The following TMEM132D variants were observed in gnomAD, a reference collection of about 807,000 sequenced individuals.
The protein encoded by TMEM132D is mature OL transmembrane protein.
TMEM132D carries 21 observed loss-of-function variants against 62.3 expected under a neutral mutation model. The observed-to-expected ratio is 0.34, with a 90% confidence interval of 0.24 to 0.49. The LOEUF (loss-of-function observed/expected upper bound fraction) is 0.49, where lower values mean the gene tolerates loss of function less well. TMEM132D is among the 20% of genes least tolerant of loss of function. The pLI is 0.99. For missense variants in TMEM132D, 1,346 were observed against 1,402.8 expected (o/e 0.96, Z 0.65); for synonymous variants, 621 against 575.6 (o/e 1.08, Z -1.13).
chr12:129,262,312 C>T (rs1880570780), intron 4 of TMEM132D: 1 of 152,222 alleles, frequency 6.6e-6, no homozygotes, highest in African/African-American at 2.4e-5. Context: ...CTGCCAAAAA[C>T]ATCAGCTGAT....
Position 129,799,978 on chromosome 12 carries a change from C to A in TMEM132D, c.80-99280G>T, listed in dbSNP as rs1407634142. On this transcript the variant is annotated intron_variant, in intron 1 of 8. Coordinates refer to ENST00000422113, the MANE Select transcript of TMEM132D (RefSeq NM_133448.3). ...TGGTGGCACAGAAATACTTGGGTCA[C>A]AGGACATGCTGCCTCAGGCACGTGC... Among the ~76,000 whole-genome samples, 6 of 152,162 alleles carry A rather than the reference C, an allele frequency of 3.9e-5. No homozygotes were observed. In the East Asian group the frequency reaches 1.2e-3, roughly 29 times the overall value.
chr12:129,701,278 G>A (rs1881379654), intron 1 of TMEM132D, among the ~76,000 whole-genome samples: 1 of 152,206 alleles, frequency 6.6e-6, no homozygotes, highest in African/African-American at 2.4e-5. Flanking sequence ...AATAGACGCA[G>A]ATGCACAATC....
chr12:129,184,886 G>A (rs188889131), intron 5 of TMEM132D, among the ~76,000 whole-genome samples: 2 of 152,132 alleles, frequency 1.3e-5, no homozygotes, highest in East Asian at 3.9e-4. Flanking sequence ...GTGGGAGTGT[G>A]TGTTTCTGCT....
intron 4 of TMEM132D, chr12:129,210,069 G>T (rs11060204): frequency 0.055 from 9,179 of 166,736 alleles, 703 homozygotes; most frequent in East Asian, 0.27. Context: ...TTTGTCACTT[G>T]CCCAGGGTCA....
At chr12:129,663,451 T>G (rs1162614519) in intron 2 of TMEM132D, among the ~76,000 whole-genome samples, 1 of 152,204 alleles carries the variant, frequency 6.6e-6, no homozygotes, top group Non-Finnish European at 1.5e-5. Context: ...TCTGCCCATT[T>G]TTATCCTGGT....
At chr12:129,735,403 G>C (rs572489195) in intron 1 of TMEM132D, among the ~76,000 whole-genome samples, 1 of 152,168 alleles carries the variant, frequency 6.6e-6, no homozygotes, top group South Asian at 2.1e-4. Context: ...ATGTATATTA[G>C]GGAGCTGTTC....
intron 4 of TMEM132D, among the ~76,000 whole-genome samples, chr12:129,249,950 G>A (rs540848625): frequency 6.6e-6 from 1 of 152,256 alleles, no homozygotes; most frequent in Non-Finnish European, 1.5e-5. Flanking sequence ...AGGGCAAGGG[G>A]AGAATGTCAT....
intron 3 of TMEM132D, among the ~76,000 whole-genome samples, chr12:129,393,073 GA>G (rs1871333001): frequency 1.3e-5 from 2 of 152,170 alleles, no homozygotes; most frequent in African/African-American, 4.8e-5. Flanking sequence ...TATTTAGAGG[GA>G]AAGTTCCTGA....
At chr12:129,824,978 G>T (rs1013948646) in intron 1 of TMEM132D, among the ~76,000 whole-genome samples, 3 of 150,796 alleles carry the variant, frequency 2.0e-5, no homozygotes, top group African/African-American at 7.3e-5. Flanking sequence ...TTCCCTATTT[G>T]CTCACTTCGT....
intron 3 of TMEM132D, among the ~76,000 whole-genome samples, chr12:129,453,850 CTGTGTA>C (rs1205745883): frequency 6.6e-6 from 1 of 152,174 alleles, no homozygotes; most frequent in Non-Finnish European, 1.5e-5. Flanking sequence ...GTTCCTGTGT[CTGTGTA>C]TGAGTCTGTG....
chr12:129,513,358 G>GC (rs1875550434), intron 3 of TMEM132D, among the ~76,000 whole-genome samples: 1 of 152,076 alleles, frequency 6.6e-6, no homozygotes, highest in African/African-American at 2.4e-5. Flanking sequence ...TGAGGGATCT[G>GC]CCCCCATAAC....
chr12:129,553,636 G>A lies in TMEM132D; in HGVS notation c.969-22431C>T, dbSNP rs559872051. ...CTGTTTTCAAGCTCCCAACATGACAGCATTGAATGTGTCATTGGGAAGAGA... is the reference window on the plus strand; with the variant it reads ...CTGTTTTCAAGCTCCCAACATGACAACATTGAATGTGTCATTGGGAAGAGA... On this transcript the variant is annotated intron_variant, in intron 2 of 8. Transcript: ENST00000422113. Among the ~76,000 whole-genome samples the A allele has an allele frequency of 2.6e-5, 4 of 152,322 alleles. No homozygotes were observed. The East Asian group carries it at 5.8e-4, about 22-fold the overall frequency.
At chr12:129,309,380 G>A (rs890760487) in intron 4 of TMEM132D, among the ~76,000 whole-genome samples, 5 of 152,054 alleles carry the variant, frequency 3.3e-5, no homozygotes, top group Non-Finnish European at 5.9e-5. Flanking sequence ...CACTACTTAG[G>A]CACCAAATTA....
chr12:129,570,386 C>T (rs138839511), intron 2 of TMEM132D, among the ~76,000 whole-genome samples: 2 of 152,184 alleles, frequency 1.3e-5, no homozygotes, highest in South Asian at 2.1e-4. Context: ...AAATAGATAG[C>T]CTGAGACAAG....
chr12:129,412,525 A>T (rs1019224797), intron 3 of TMEM132D, among the ~76,000 whole-genome samples: 4 of 151,970 alleles, frequency 2.6e-5, no homozygotes, highest in African/African-American at 9.7e-5. Context: ...CCTCCTCCTC[A>T]TTCTTCCTAC....
At position 129,333,820 on chromosome 12, in the gene TMEM132D, T is replaced by C. The variant is rs547831313; in HGVS notation, c.1299+3814A>G. Among the ~76,000 whole-genome samples, 20 of 152,264 alleles carry C rather than the reference T, an allele frequency of 1.3e-4. No individual in the cohort carries two copies. In the South Asian group the frequency reaches 3.9e-3, roughly 30 times the overall value. Reference sequence around the variant, plus strand: ...AGCACACTCTCCCCTTTCCCACTTATAAAATATAAAAAATTATAGGCCAGG... The same window carrying C: ...AGCACACTCTCCCCTTTCCCACTTACAAAATATAAAAAATTATAGGCCAGG... On this transcript the variant is annotated intron_variant, in intron 4 of 8. Transcript: ENST00000422113.
intron 3 of TMEM132D, among the ~76,000 whole-genome samples, chr12:129,429,103 GTCCTTCAAGTTACTCACTGTAGTCCAAAA>G (rs138373811): frequency 0.26 from 34,364 of 129,730 alleles, 6,883 homozygotes; most frequent in East Asian, 0.42. Flanking sequence ...GTAGTCCAAA[GTCCTTCAAGTTACTCACTGTAGTCCAAAA>G]TCCTTCAAGT....
intron 3 of TMEM132D, among the ~76,000 whole-genome samples, chr12:129,402,267 G>C (rs1414677086): frequency 6.6e-6 from 1 of 152,174 alleles, no homozygotes. Flanking sequence ...CGTCCCTGAG[G>C]TCTGCACAAA....
intron 2 of TMEM132D, among the ~76,000 whole-genome samples, chr12:129,535,770 TTGTGTGCG>T (rs1216174623): frequency 4.1e-5 from 5 of 122,882 alleles, no homozygotes; most frequent in African/African-American, 1.2e-4. Context: ...CATTTAAGAT[TTGTGTGCG>T]TGTGTGTGTG....
Sources: allele counts gnomAD v4.1 joint callset (sites outside exome capture counted in the v4.1 genomes callset), GRCh38; gene constraint gnomAD v4.1.1; transcripts MANE v1.5; gene names NCBI Gene and HGNC (gene_info 2026-07-23, HGNC 2026-07-21).